DENND1C: variants seen among roughly 807,000 people sequenced by gnomAD.
The protein encoded by DENND1C is DENN domain containing 1C.
In DENND1C, 64 loss-of-function variants were observed where a neutral mutation model predicts 87.9. The ratio of observed to expected loss-of-function variants is 0.73; its 90% CI spans 0.60 to 0.90. The LOEUF is 0.90. Among genes scored for constraint, DENND1C ranks in the 40% least tolerant of loss-of-function variants. The pLI, the probability that DENND1C is intolerant of heterozygous loss-of-function variation, is 0.00. For synonymous variants in DENND1C, 384 were observed against 424.4 expected (o/e 0.90, Z 1.17); for missense variants, 980 against 1,037.0 (o/e 0.95, Z 0.76).
At chr19:6,472,257 G>A (rs993010335) in intron 15 of DENND1C, among the ~76,000 whole-genome samples, 3 of 137,708 alleles carry the variant, frequency 2.2e-5, no homozygotes, top group Non-Finnish European at 4.5e-5. Flanking sequence ...AGTCCAGCTT[G>A]GACCGCCACC....
At chr19:6,477,590 C>A (rs1465920135) in intron 6 of DENND1C, 132 bp from the exon 7 acceptor site, 1 of 286,522 alleles carries the variant, frequency 3.5e-6, no homozygotes, top group East Asian at 4.5e-5. Flanking sequence ...TTTTTTTTTT[C>A]TTTCTTTAAA....
At chr19:6,468,816 G>T in intron 20 of DENND1C, 30 bp downstream of exon 20, 1 of 1,494,042 alleles carries the variant, frequency 6.7e-7, no homozygotes, top group Non-Finnish European at 8.9e-7. Context: ...ATAATTCCAG[G>T]TGTGTGCATG....
intron 15 of DENND1C, among the ~76,000 whole-genome samples, chr19:6,471,843 A>G (rs926313131): frequency 3.2e-4 from 49 of 152,192 alleles, no homozygotes; most frequent in African/African-American, 9.4e-4. Flanking sequence ...GGGTTTCCCC[A>G]TGTTGGCCAG....
chr19:6,473,167 G>GT (rs2092838714), intron 14 of DENND1C, among the ~76,000 whole-genome samples, 174 bp from the exon 15 acceptor site: 2 of 151,950 alleles, frequency 1.3e-5, no homozygotes, highest in Non-Finnish European at 2.9e-5. Context: ...TGTTTGTTTT[G>GT]TTTTTTGAGA....
Position 6,467,446 on chromosome 19 carries a change from T to G in DENND1C, c.*58A>C. ...GAAATTCACCAGGAAAAAAACCAGC[T>G]TTTTTGGGCTCTTGTGGCTTTATTG... is the stretch of plus-strand genomic sequence containing the variant. On this transcript the variant is annotated 3_prime_UTR_variant, in exon 23 of 23. Transcript: ENST00000381480. The G allele has an allele frequency of 1.4e-6, 2 of 1,459,474 alleles. No individual in the cohort carries two copies. The highest frequency in any genetic ancestry group is 1.8e-6 in the Non-Finnish European group (2 of 1,104,406). 90.4% of individuals were successfully genotyped at this position (1,459,474 alleles called of 1,614,324 possible).
At chr19:6,480,420 C>T in intron 1 of DENND1C, 2 of 1,115,456 alleles carry the variant, frequency 1.8e-6, no homozygotes, top group Admixed American at 4.5e-5. Context: ...ATATGAAGGA[C>T]AGCCCGTGCA....
At position 6,468,887 on chromosome 19, in the gene DENND1C, G is replaced by C. The variant is rs751493772; in HGVS notation, c.1474C>G (p.Arg492Gly). 364 of 1,507,882 alleles carry C rather than the reference G, an allele frequency of 2.4e-4. No individual in the cohort carries two copies. The highest frequency in any genetic ancestry group is 3.1e-4 in the Non-Finnish European group (349 of 1,133,738). The allele number at this position is 1,507,882 out of a possible 1,614,324, so 93.4% of individuals were successfully genotyped here. The part of the protein sequence containing the change: ...RAPALPSRSD[R>G]LQQRLPITQH... ...GTGATTGGGAGGCGTTGCTGCAGGCGGTCTGAGCGGCTGGGGAGGGCTGGG... is the reference window on the plus strand; with the variant it reads ...GTGATTGGGAGGCGTTGCTGCAGGCCGTCTGAGCGGCTGGGGAGGGCTGGG... Residue 492 changes from arginine to glycine, a missense_variant, in exon 20 of 23, where the codon CGC becomes GGC. Transcript: ENST00000381480.
chr19:6,475,150 G>A (rs2145197135), intron 14 of DENND1C, 124 bp downstream of exon 14: 2 of 1,471,684 alleles, frequency 1.4e-6, no homozygotes, highest in East Asian at 2.4e-5. Context: ...TCCCATCTCG[G>A]CATCCCAAAG....
chr19:6,467,883 G>A lies in DENND1C; in HGVS notation c.2027C>T (p.Thr676Ile), dbSNP rs766416862. The change falls in exon 23 of 23, where the codon ACA becomes ATA. Residue 676 changes from threonine to isoleucine, a missense_variant. By Grantham distance (89) the Thr-to-Ile change is moderately conservative (BLOSUM62 -1). Transcript: ENST00000381480. ...IWGDPKPSPLTEPLILHLTPS... is the reference protein window; with the variant it reads ...IWGDPKPSPLIEPLILHLTPS... ...GGTGAGATGAAGAATTAGGGGCTCT[G>A]TGAGAGGAGAGGGTTTGGGGTCCCC... 6.8e-6 allele frequency: 11 copies of A among 1,611,160 alleles called. No homozygotes were observed. In the African/African-American group the frequency reaches 1.3e-4, roughly 20 times the overall value.
At position 6,468,602 on chromosome 19, in the gene DENND1C, C is replaced by T; in HGVS notation, c.1559G>A (p.Gly520Glu). The T allele has an allele frequency of 6.6e-7, 1 of 1,516,360 alleles. No individual in the cohort carries two copies. The highest frequency in any genetic ancestry group is 8.8e-7 in the Non-Finnish European group (1 of 1,135,724). 93.9% of individuals were successfully genotyped at this position (1,516,360 alleles called of 1,614,324 possible). ...CCCCGCCCCTGGGGGCTCGGAAGTTCCCTCTTCCAGCTGGCGTCTCCTGCT... is the reference window on the plus strand; with the variant it reads ...CCCCGCCCCTGGGGGCTCGGAAGTTTCCTCTTCCAGCTGGCGTCTCCTGCT... ...RPSRRRQLEE[G>E]TSEPPGAGTP... Residue 520 changes from glycine (G) to glutamate (E), a missense_variant, in exon 21 of 23, where the codon GGA (glycine) becomes GAA (glutamate). Gly to Glu is a moderately conservative substitution (Grantham distance 98, BLOSUM62 -2). Transcript: ENST00000381480.
chr19:6,474,738 T>C (rs2092848496), intron 14 of DENND1C, among the ~76,000 whole-genome samples: 2 of 152,072 alleles, frequency 1.3e-5, no homozygotes, highest in Non-Finnish European at 2.9e-5. Context: ...ACTCCATTAA[T>C]GCTACCTATC....
At position 6,468,990 on chromosome 19, in the gene DENND1C, A is replaced by G. The variant is rs2089599962; in HGVS notation, c.1408-37T>C. The G allele has an allele frequency of 2.4e-6, 3 of 1,258,520 alleles. No individual in the cohort carries two copies. In the African/African-American group the frequency reaches 4.6e-5, roughly 19 times the overall value. The allele number at this position is 1,258,520 out of a possible 1,614,324, so 78.0% of individuals were successfully genotyped here. A position where few individuals can be genotyped will look rare whatever the true frequency, so the allele number is the denominator to read the frequency against. ...AGAGTGAACTGGGAACCTCTGCCAC[A>G]GAGTCTCCCCACCACCCCCTACCAT... On this transcript the variant is annotated intron_variant, in intron 19 of 22. Coordinates refer to ENST00000381480, the MANE Select transcript of DENND1C (RefSeq NM_024898.4).
At chr19:6,476,810 C>A in intron 10 of DENND1C, 47 bp downstream of exon 10, 1 of 1,562,106 alleles carries the variant, frequency 6.4e-7, no homozygotes, top group Non-Finnish European at 8.7e-7. Context: ...CCCCCCGGGG[C>A]GGAGCCAGGC....
At position 6,467,417 on chromosome 19, in the gene DENND1C, C is replaced by A; in HGVS notation, c.*87G>T. 7.0e-7 allele frequency: 1 copy of A among 1,431,708 alleles called. No individual in the cohort carries two copies. The allele number at this position is 1,431,708 out of a possible 1,614,324, so 88.7% of individuals were successfully genotyped here. A position where few individuals can be genotyped will look rare whatever the true frequency, so the allele number is the denominator to read the frequency against. ...GGATTTCCGAGCAGAGTGAGGGCAC[C>A]AGAGAAATTCACCAGGAAAAAAACC... is the stretch of plus-strand genomic sequence containing the variant. On this transcript the variant is annotated 3_prime_UTR_variant, in exon 23 of 23. Transcript: ENST00000381480.
intron 17 of DENND1C, 50 bp downstream of exon 17, chr19:6,471,215 G>C: frequency 6.4e-7 from 1 of 1,553,838 alleles, no homozygotes; most frequent in Non-Finnish European, 8.7e-7. Context: ...AATGTGTTGG[G>C]ATTACAGGCC....
chr19:6,476,358 G>GC, intron 10 of DENND1C: 1 of 190,088 alleles, frequency 5.3e-6, no homozygotes, highest in Non-Finnish European at 1.1e-5. Flanking sequence ...ATTTGGCCCC[G>GC]CCCCTAGGGG....
Position 6,475,881 on chromosome 19 carries a change from G to T in DENND1C, c.735C>A (p.His245Gln). The T allele has an allele frequency of 1.9e-6, 3 of 1,562,538 alleles. No individual in the cohort carries two copies. The highest frequency in any genetic ancestry group is 2.6e-6 in the Non-Finnish European group (3 of 1,162,338). The change falls in exon 11 of 23, where the codon CAC (histidine) becomes CAA (glutamine). Residue 245 changes from histidine (H) to glutamine (Q), a missense_variant. Coordinates refer to ENST00000381480, the MANE Select transcript of DENND1C (RefSeq NM_024898.4). ...GTGGGGGCAGCGTGGGGATCAGCAC[G>T]TGCTCCCAGCGCATGGGGTACAGGA... ...CALLYPMRWE[H>Q]VLIPTLPPHL...
At chr19:6,479,788 CA>C in intron 3 of DENND1C, 70 bp from the exon 4 acceptor site, 1 of 1,613,828 alleles carries the variant, frequency 6.2e-7, no homozygotes, top group East Asian at 2.2e-5. Context: ...GCTCCAGGTC[CA>C]AGAAACCAAG....
chr19:6,472,930 C>A lies in DENND1C; in HGVS notation c.1117G>T (p.Ala373Ser), dbSNP rs369623723. Residue 373 changes from alanine to serine, a missense_variant, in exon 15 of 23, where the codon GCC becomes TCC. Ala to Ser is a moderately conservative substitution (Grantham distance 99). Coordinates refer to ENST00000381480, the MANE Select transcript of DENND1C (RefSeq NM_024898.4). ...AGGTGCACAGCCCGCCGGTGGAAGGCCTGCAGAGGTGCCCCAGGCTTCTGG... is the reference window on the plus strand; with the variant it reads ...AGGTGCACAGCCCGCCGGTGGAAGGACTGCAGAGGTGCCCCAGGCTTCTGG... ...LAQKPGAPLQ[A>S]FHRRAVHLQL... The A allele has an allele frequency of 3.3e-5, 53 of 1,593,784 alleles. No individual in the cohort carries two copies. Among genetic ancestry groups the A allele is most frequent in the Non-Finnish European group, 4.4e-5 (52 of 1,171,276 alleles).
Sources: gnomAD v4.1 joint callset for allele counts (sites outside exome capture counted in the v4.1 genomes callset) on GRCh38, gnomAD v4.1.1 for gene constraint, MANE v1.5 for transcripts, NCBI Gene and HGNC (gene_info 2026-07-23, HGNC 2026-07-21) for gene names.